UNC79: variants seen among roughly 807,000 people sequenced by gnomAD.
The protein encoded by UNC79 is protein unc-79 homolog.
UNC79 carries 37 observed loss-of-function variants against 283.1 expected under a neutral mutation model. The ratio of observed to expected loss-of-function variants is 0.13; its 90% CI spans 0.10 to 0.17. UNC79 has a LOEUF of 0.17. Ranked by LOEUF, UNC79 falls within the 10% of genes least tolerant of loss-of-function variation. The pLI, the probability that UNC79 is intolerant of heterozygous loss-of-function variation, is 1.00. For missense variants in UNC79, 2,272 were observed against 3,211.1 expected (o/e 0.71, Z 7.07); for synonymous variants, 1,107 against 1,200.2 (o/e 0.92, Z 1.61).
chr14:93,344,634 A>G (rs930948190), intron 1 of UNC79, among the ~76,000 whole-genome samples: 6 of 152,334 alleles, frequency 3.9e-5, no homozygotes, highest in African/African-American at 1.4e-4. Context: ...CTTTGGTCCA[A>G]TATTTGAGTC....
intron 14 of UNC79, among the ~76,000 whole-genome samples, chr14:93,548,298 G>A (rs371004324): frequency 6.6e-6 from 1 of 152,120 alleles, no homozygotes; most frequent in Admixed American, 6.5e-5. Context: ...TTTTACAAGG[G>A]CGTTCATTCA....
chr14:93,656,205 G>T (rs377023965), intron 38 of UNC79, among the ~76,000 whole-genome samples: 13 of 152,228 alleles, frequency 8.5e-5, no homozygotes, highest in African/African-American at 2.2e-4. Flanking sequence ...CTAGAGTAGG[G>T]GGCAGAGTGG....
chr14:93,628,650 T>C (rs2067759888), intron 30 of UNC79, among the ~76,000 whole-genome samples: 1 of 152,222 alleles, frequency 6.6e-6, no homozygotes, highest in African/African-American at 2.4e-5. Context: ...CTGGCAAATG[T>C]CTGATGAAGG....
intron 24 of UNC79, among the ~76,000 whole-genome samples, 175 bp downstream of exon 24, chr14:93,597,715 T>C (rs1443589873): frequency 1.1e-4 from 17 of 152,208 alleles, no homozygotes; most frequent in Admixed American, 1.1e-3. Context: ...GGGCCTGCTG[T>C]CTAGTTCATA....
At chr14:93,610,775 T>A (rs531618447) in intron 26 of UNC79, among the ~76,000 whole-genome samples, 1 of 152,122 alleles carries the variant, frequency 6.6e-6, no homozygotes, top group Non-Finnish European at 1.5e-5. Context: ...CATGTCCAGC[T>A]AATTTTTGTA....
At chr14:93,352,252 A>C (rs2053993014) in intron 1 of UNC79, among the ~76,000 whole-genome samples, 1 of 152,202 alleles carries the variant, frequency 6.6e-6, no homozygotes, top group African/African-American at 2.4e-5. Flanking sequence ...GTATTCAGTG[A>C]GACCTTACTT....
chr14:93,529,018 C>T (rs1349107591), intron 9 of UNC79, among the ~76,000 whole-genome samples: 2 of 152,164 alleles, frequency 1.3e-5, no homozygotes, highest in Non-Finnish European at 2.9e-5. Flanking sequence ...GAATCACACT[C>T]AGCTTTGTAC....
intron 35 of UNC79, among the ~76,000 whole-genome samples, chr14:93,648,635 G>C (rs967005173): frequency 6.6e-6 from 1 of 152,140 alleles, no homozygotes; most frequent in African/African-American, 2.4e-5. Flanking sequence ...GTGTGAGTGG[G>C]TGTAACGGGT....
At chr14:93,451,689 CA>C (rs1414080476) in intron 1 of UNC79, among the ~76,000 whole-genome samples, 1 of 152,192 alleles carries the variant, frequency 6.6e-6, no homozygotes, top group African/African-American at 2.4e-5. Flanking sequence ...CAATCCCCCA[CA>C]TTTTTTTTAG....
At chr14:93,422,403 A>AATAGATT (rs1209055084) in intron 1 of UNC79, among the ~76,000 whole-genome samples, 1 of 152,168 alleles carries the variant, frequency 6.6e-6, no homozygotes, top group Non-Finnish European at 1.5e-5. Context: ...CTTCAGAGAT[A>AATAGATT]ATAGATTATA....
chr14:93,676,177 C>T (rs572295638), intron 41 of UNC79, among the ~76,000 whole-genome samples: 1 of 152,318 alleles, frequency 6.6e-6, no homozygotes. Flanking sequence ...CTACCTCAGC[C>T]TCTGATGTAG....
chr14:93,448,601 G>C (rs1471396537), intron 1 of UNC79, among the ~76,000 whole-genome samples: 2 of 152,170 alleles, frequency 1.3e-5, no homozygotes, highest in African/African-American at 2.4e-5. Context: ...TGGATATAAT[G>C]AATGTTAAGT....
At chr14:93,566,335 A>G (rs2062876927) in intron 14 of UNC79, among the ~76,000 whole-genome samples, 1 of 152,122 alleles carries the variant, frequency 6.6e-6, no homozygotes, top group Non-Finnish European at 1.5e-5. Context: ...AGCAAGGGAG[A>G]CAGTGGAAGT....
At chr14:93,464,527 C>A (rs2057083233) in intron 1 of UNC79, 1 of 456,148 alleles carries the variant, frequency 2.2e-6, no homozygotes, top group Non-Finnish European at 4.4e-6. Context: ...TGGGTACAGT[C>A]ACATTTTGAG....
chr14:93,606,507 G>A (rs1328678171), intron 26 of UNC79, among the ~76,000 whole-genome samples: 2 of 152,174 alleles, frequency 1.3e-5, no homozygotes, highest in Non-Finnish European at 1.5e-5. Context: ...CAGATTTATC[G>A]TAAGATTGTG....
At chr14:93,472,509 A>G (rs2057563747) in intron 2 of UNC79, among the ~76,000 whole-genome samples, 1 of 152,108 alleles carries the variant, frequency 6.6e-6, no homozygotes, top group Non-Finnish European at 1.5e-5. Context: ...GATAAGAAGT[A>G]TTACATAAGT....
At chr14:93,422,743 A>G (rs1022501603) in intron 1 of UNC79, among the ~76,000 whole-genome samples, 1 of 152,160 alleles carries the variant, frequency 6.6e-6, no homozygotes, top group Non-Finnish European at 1.5e-5. Context: ...TAGTGTTTCT[A>G]TATGCCAACA....
chr14:93,514,194 A>G (rs1445497390), intron 7 of UNC79, among the ~76,000 whole-genome samples: 1 of 152,224 alleles, frequency 6.6e-6, no homozygotes, highest in Non-Finnish European at 1.5e-5. Context: ...AGCCAGTCTA[A>G]CCAGGGAAAA....
At chr14:93,597,336 T>A in intron 23 of UNC79, 23 bp from the exon 24 acceptor site, 1 of 1,611,518 alleles carries the variant, frequency 6.2e-7, no homozygotes, top group East Asian at 2.2e-5. Context: ...TTTACGTATT[T>A]TGCCTTCTCT....
Sources: gnomAD v4.1 joint callset for allele counts (sites outside exome capture counted in the v4.1 genomes callset) on GRCh38, gnomAD v4.1.1 for gene constraint, MANE v1.5 for transcripts, NCBI Gene and HGNC (gene_info 2026-07-23, HGNC 2026-07-21) for gene names.